The following MUC5B variants were observed in gnomAD, a reference collection of about 807,000 sequenced individuals.
The protein encoded by MUC5B is mucin-5B.
A neutral mutation model predicts 376.9 loss-of-function variants in MUC5B; 116 were observed. The observed-to-expected ratio is 0.31, with a 90% CI of 0.26 to 0.36. The LOEUF (loss-of-function observed/expected upper bound fraction) is 0.36, where lower values mean the gene tolerates loss of function less well. Ranked by LOEUF, MUC5B falls within the 10% of genes least tolerant of loss-of-function variation. The pLI is 1.00. For synonymous variants in MUC5B, 3,517 were observed against 3,390.9 expected (o/e 1.04, Z -1.29); for missense variants, 7,165 against 7,769.9 (o/e 0.92, Z 2.93).
rs1426152793 is a variant in MUC5B at position 1,231,512 on chromosome 11, A to G, written c.1630A>G (p.Met544Val). 1 of 1,604,314 alleles carries G rather than the reference A, an allele frequency of 6.2e-7. No homozygotes were observed. Among genetic ancestry groups the G allele is most frequent in the Admixed American group, 1.7e-5 (1 of 58,610 alleles). ...GCTGCTGGTGCAGCTGGTGCCACTC[A>G]TGCAGGTGTTTGTCAGGCTGGACCC... is the stretch of plus-strand genomic sequence containing the variant. The part of the protein sequence containing the change: ...LQLLVQLVPL[M>V]QVFVRLDPAH... Residue 544 changes from methionine (M) to valine (V), a missense_variant, in exon 14 of 49, where the codon ATG becomes GTG. Physicochemically the swap from Met to Val is conservative, Grantham distance 21 (BLOSUM62 1). This residue lies in a region of MUC5B where 640 missense variants were observed against 733.0 expected (regional missense o/e 0.87). Transcript: ENST00000529681.
chr11:1,240,088 G>C lies in MUC5B; in HGVS notation c.3772G>C (p.Ala1258Pro). 2 of 1,563,860 alleles carry C rather than the reference G, an allele frequency of 1.3e-6. No homozygotes were observed. Among genetic ancestry groups the C allele is most frequent in the Non-Finnish European group, 1.7e-6 (2 of 1,152,338 alleles). ...CATCCAGTGCGCTCACAGCCTTGAGGGTAAGGAAGGGCCGGGGGGTTAGTG... is the reference window on the plus strand; with the variant it reads ...CATCCAGTGCGCTCACAGCCTTGAGCGTAAGGAAGGGCCGGGGGGTTAGTG... ...SGIQCAHSLE[A>P]CTCTYEDRTY... The change falls in exon 29 of 49, where the codon GCC becomes CCC. Residue 1258 changes from alanine (A) to proline (P), a missense_variant and splice_region_variant. Ala to Pro is a conservative substitution (Grantham distance 27). Transcript: ENST00000529681.
chr11:1,258,136 G>A lies in MUC5B; in HGVS notation c.16488G>A (p.Val5496=). The A allele has an allele frequency of 6.3e-7, 1 of 1,599,114 alleles. No homozygotes were observed. Among genetic ancestry groups the A allele is most frequent in the Non-Finnish European group, 8.5e-7 (1 of 1,175,008 alleles). Residue 5496 remains valine (V), a synonymous_variant, in exon 42 of 49, where the codon GTG becomes GTA. Coordinates refer to ENST00000529681, the MANE Select transcript of MUC5B (RefSeq NM_002458.3). This position sits in a 1 kb window ranked among gnomAD's most constrained non-coding sequence, Gnocchi z 5.5. ...NTTTCPQSLP[V]CPPGQESICT... Reference sequence around the variant, plus strand: ...CCACCTGCCCCCAGAGCCTGCCTGTGTGCCCGCCAGGGCAGGAGTCCATCT... The same window carrying A: ...CCACCTGCCCCCAGAGCCTGCCTGTATGCCCGCCAGGGCAGGAGTCCATCT...
In MUC5B at chr11:1,241,835, C is replaced by G. The variant is rs1039817427; in HGVS notation, c.4955C>G (p.Thr1652Ser). ...CCGGCCAGCACCACAGCAGTCCCCA[C>G]CCTCTCAGAAGGACTGACATCCCCC... ...APPASTTAVP[T>S]LSEGLTSPRY... Residue 1652 changes from threonine to serine, a missense_variant, in exon 31 of 49, where the codon ACC (threonine) becomes AGC (serine). By Grantham distance (58) the Thr-to-Ser change is moderately conservative. Coordinates refer to ENST00000529681, the MANE Select transcript of MUC5B (RefSeq NM_002458.3). 3.1e-6 allele frequency: 5 copies of G among 1,613,348 alleles called. No homozygotes were observed. Among genetic ancestry groups the G allele is most frequent in the Admixed American group, 1.7e-5 (1 of 59,962 alleles).
In MUC5B at chr11:1,246,857, C is replaced by T. The variant is rs567876934; in HGVS notation, c.9977C>T (p.Thr3326Met). ...FTATPSSSPGTALTPPVWIST... is the reference protein window; with the variant it reads ...FTATPSSSPGMALTPPVWIST... ...GCCACCCCCTCCTCCAGCCCAGGGA[C>T]GGCACTCACGCCTCCAGTGTGGATC... The change falls in exon 31 of 49, where the codon ACG (threonine) becomes ATG (methionine). Residue 3326 changes from threonine to methionine, a missense_variant. Transcript: ENST00000529681. 2.1e-4 allele frequency: 337 copies of T among 1,610,348 alleles called. 3 individuals are homozygous for T. The East Asian group carries it at 4.9e-3, about 23-fold the overall frequency.
intron 35 of MUC5B, 78 bp from the exon 36 acceptor site, chr11:1,254,963 G>C: frequency 1.4e-6 from 1 of 732,596 alleles, no homozygotes; most frequent in Non-Finnish European, 2.2e-6. Flanking sequence ...CCTGGGGAGG[G>C]GAATGAGTGG....
In MUC5B at chr11:1,258,250, T is replaced by C; in HGVS notation, c.16555+47T>C. On this transcript the variant is annotated intron_variant, in intron 42 of 48. Coordinates refer to ENST00000529681, the MANE Select transcript of MUC5B (RefSeq NM_002458.3). This position sits in a 1 kb window ranked among gnomAD's most constrained non-coding sequence, Gnocchi z 5.5. Reference sequence around the variant, plus strand: ...CTCCTGGGTGGCCTCTTGCTGGGGGTGGGGGAGTGCAGGATGGTGGGGGCG... The same window carrying C: ...CTCCTGGGTGGCCTCTTGCTGGGGGCGGGGGAGTGCAGGATGGTGGGGGCG... The C allele has an allele frequency of 2.0e-6, 3 of 1,524,902 alleles. No individual in the cohort carries two copies. Among genetic ancestry groups the C allele is most frequent in the Non-Finnish European group, 2.7e-6 (3 of 1,123,256 alleles). 94.5% of individuals were successfully genotyped at this position (1,524,902 alleles called of 1,614,324 possible).
At chr11:1,240,817 C>T in intron 30 of MUC5B, 34 bp from the exon 31 acceptor site, 2 of 1,562,676 alleles carry the variant, frequency 1.3e-6, no homozygotes, top group South Asian at 1.2e-5. Flanking sequence ...CTGGAGGATG[C>T]TGAGCCAGGA....
chr11:1,236,348 A>T, intron 23 of MUC5B, 38 bp from the exon 24 acceptor site: 1 of 1,576,560 alleles, frequency 6.3e-7, no homozygotes, highest in Non-Finnish European at 8.6e-7. Context: ...CCTGGGGGCC[A>T]CAGGGTCGGC....
At chr11:1,235,889 G>A (rs1240878139) in intron 23 of MUC5B, among the ~76,000 whole-genome samples, 3 of 152,028 alleles carry the variant, frequency 2.0e-5, no homozygotes, top group African/African-American at 4.8e-5. Flanking sequence ...GTGAGGGCCC[G>A]GGCTGAGGTT....
Position 1,246,004 on chromosome 11 carries a change from T to A in MUC5B, c.9124T>A (p.Ser3042Thr), listed in dbSNP as rs1253871370. The change falls in exon 31 of 49, where the codon TCC (serine) becomes ACC (threonine). Residue 3042 changes from serine (S) to threonine (T), a missense_variant. By Grantham distance (58) the Ser-to-Thr change is moderately conservative (BLOSUM62 1). Transcript: ENST00000529681. ...PTATSSKATS[S>T]SSPRTATTLP... ...AGCCACCAGTTCCAAAGCCACTTCC[T>A]CCTCCAGTCCAAGGACTGCAACCAC... The A allele has an allele frequency of 1.2e-6, 2 of 1,611,602 alleles. No homozygotes were observed. Among genetic ancestry groups the A allele is most frequent in the African/African-American group, 2.7e-5 (2 of 73,912 alleles).
In MUC5B at chr11:1,242,923, G is replaced by A. The variant is rs759219300; in HGVS notation, c.6043G>A (p.Glu2015Lys). 3.7e-6 allele frequency: 6 copies of A among 1,612,444 alleles called. No individual in the cohort carries two copies. Among genetic ancestry groups the A allele is most frequent in the Non-Finnish European group, 5.1e-6 (6 of 1,179,214 alleles). Residue 2015 changes from glutamate to lysine, a missense_variant, in exon 31 of 49, where the codon GAG becomes AAG. By Grantham distance (56) the Glu-to-Lys change is moderately conservative (BLOSUM62 1). Around this residue, in one of 31 missense-constraint regions of MUC5B, gnomAD observed 897 missense variants for 779.6 expected, o/e 1.15. Coordinates refer to ENST00000529681, the MANE Select transcript of MUC5B (RefSeq NM_002458.3). ...MSTATPSSTP[E>K]TAHTSTVLTA... ...CACAGCCACACCCTCCTCCACTCCAGAGACTGCCCACACCTCCACAGTGCT... is the reference window on the plus strand; with the variant it reads ...CACAGCCACACCCTCCTCCACTCCAAAGACTGCCCACACCTCCACAGTGCT...
chr11:1,260,019 G>A lies in MUC5B; in HGVS notation c.16857G>A (p.Glu5619=), dbSNP rs753580092. The change falls in exon 46 of 49, where the codon GAG becomes GAA. Residue 5619 remains glutamate (E), a synonymous_variant. Coordinates refer to ENST00000529681, the MANE Select transcript of MUC5B (RefSeq NM_002458.3). ...ACAACTGCACCGTGTACCTCTGTGA[G>A]GCTGAGGGTGGAGTCCATTTGCTGA... ...HVDNCTVYLC[E]AEGGVHLLTP... 5 of 1,612,902 alleles carry A rather than the reference G, an allele frequency of 3.1e-6. No homozygotes were observed. The highest frequency in any genetic ancestry group is 1.7e-5 in the Admixed American group (1 of 60,016).
Position 1,254,368 on chromosome 11 carries a change from G to C in MUC5B, c.15477+17G>C, listed in dbSNP as rs751514182. ...GAGGGCCTGGTGAGTCCAGGCTGCG[G>C]GTGGCACAGTGTTGGCCCAGTCCCA... On this transcript the variant is annotated intron_variant, in intron 34 of 48. Transcript: ENST00000529681. 2.5e-6 allele frequency: 4 copies of C among 1,597,974 alleles called. No homozygotes were observed. The East Asian group carries it at 8.9e-5, about 36-fold the overall frequency.
chr11:1,236,626 G>T, intron 24 of MUC5B, 64 bp downstream of exon 24: 1 of 1,529,412 alleles, frequency 6.5e-7, no homozygotes. Flanking sequence ...AAACCCTGGT[G>T]CCAGGTGGGG....
At chr11:1,231,886 G>A in intron 14 of MUC5B, 110 bp from the exon 15 acceptor site, 2 of 1,441,004 alleles carry the variant, frequency 1.4e-6, no homozygotes, top group Non-Finnish European at 1.9e-6. Flanking sequence ...AGAATCCTGG[G>A]ACAGGGCTCC....
In MUC5B at chr11:1,229,613, T is replaced by C; in HGVS notation, c.1103-77T>C. 12 of 1,291,620 alleles carry C rather than the reference T, an allele frequency of 9.3e-6. No homozygotes were observed. The South Asian group carries it at 1.6e-4, about 17-fold the overall frequency. 80.0% of individuals were successfully genotyped at this position (1,291,620 alleles called of 1,614,324 possible). On this transcript the variant is annotated intron_variant, in intron 9 of 48. Transcript: ENST00000529681. ...GAATTCCTCCCCAAGGGAGGCAGCT[T>C]GTCCCCAAGGCCGGTGTCTTCTGAC...
chr11:1,227,840 C>G, intron 7 of MUC5B, 59 bp downstream of exon 7: 1 of 673,308 alleles, frequency 1.5e-6, no homozygotes, highest in African/African-American at 1.8e-5. Flanking sequence ...CCAGGGGGAG[C>G]TGGGCCGAGG....
At position 1,246,091 on chromosome 11, in the gene MUC5B, T is replaced by C; in HGVS notation, c.9211T>C (p.Ser3071Pro). ...AGCTACCAGCTTTACACCCATCCCC[T>C]CCTTCACCCTTGGGACCACCGGGAC... ...STATSFTPIP[S>P]FTLGTTGTLP... Residue 3071 changes from serine to proline, a missense_variant, in exon 31 of 49, where the codon TCC becomes CCC. Ser to Pro is a moderately conservative substitution (Grantham distance 74). Coordinates refer to ENST00000529681, the MANE Select transcript of MUC5B (RefSeq NM_002458.3). 1.2e-6 allele frequency: 2 copies of C among 1,610,960 alleles called. No homozygotes were observed. The highest frequency in any genetic ancestry group is 2.2e-5 in the South Asian group (2 of 90,872).
chr11:1,229,023 G>C (rs938615132), intron 8 of MUC5B, 147 bp from the exon 9 acceptor site: 379 of 988,060 alleles, frequency 3.8e-4, no homozygotes, highest in Middle Eastern at 9.8e-4. Context: ...AGCTGCCCAC[G>C]ATGAGGGGCG....
Sources: allele counts gnomAD v4.1 joint callset (sites outside exome capture counted in the v4.1 genomes callset), GRCh38; gene constraint gnomAD v4.1.1; regional missense constraint gnomAD v4.1.1; non-coding constraint Gnocchi (gnomAD v3.1); transcripts MANE v1.5; gene names NCBI Gene and HGNC (gene_info 2026-07-23, HGNC 2026-07-21).